FOXC1: variants seen among roughly 807,000 people sequenced by gnomAD.
The protein encoded by FOXC1 is forkhead box C1, also known as forkhead box protein C1.
In FOXC1, 5 loss-of-function variants were observed where a neutral mutation model predicts 8.1. The observed-to-expected ratio is 0.62, with a 90% confidence interval of 0.32 to 1.30. FOXC1 has a LOEUF of 1.30. FOXC1 is among the 50% of genes most tolerant of loss of function. The probability of loss-of-function intolerance (pLI) is 0.05; values close to 1 mark genes in which losing one functional copy is unlikely to be tolerated. For missense variants in FOXC1, 942 were observed against 858.0 expected (o/e 1.10, Z -1.22); for synonymous variants, 552 against 417.2 (o/e 1.32, Z -3.94).
Position 1,613,686 on chromosome 6 carries a change from G to GC in FOXC1, c.*1581dup, listed in dbSNP as rs1762595603. On this transcript the variant is annotated 3_prime_UTR_variant, in exon 1 of 1. Coordinates refer to ENST00000645831, the MANE Select transcript of FOXC1 (RefSeq NM_001453.3). ...TCATTATCTTAGGGTGATCTGCCCT[G>GC]CCAATCAGACTTTGGGGAGATGGCG... The GC allele has an allele frequency of 6.1e-6, 1 of 163,490 alleles. No individual in the cohort carries two copies. Among genetic ancestry groups the GC allele is most frequent in the African/African-American group, 2.6e-5 (1 of 38,748 alleles). 10.1% of individuals were successfully genotyped at this position (163,490 alleles called of 1,614,324 possible). A position where few individuals can be genotyped will look rare whatever the true frequency, so the allele number is the denominator to read the frequency against.
In FOXC1 at chr6:1,611,628, T is replaced by G; in HGVS notation, c.1183T>G (p.Cys395Gly). 7.8e-7 allele frequency: 1 copy of G among 1,287,646 alleles called. No individual in the cohort carries two copies. The highest frequency in any genetic ancestry group is 9.7e-7 in the Non-Finnish European group (1 of 1,027,506). The allele number at this position is 1,287,646 out of a possible 1,614,324, so 79.8% of individuals were successfully genotyped here. A position where few individuals can be genotyped will look rare whatever the true frequency, so the allele number is the denominator to read the frequency against. The change falls in exon 1 of 1, where the codon TGC becomes GGC. Residue 395 changes from cysteine (C) to glycine (G), a missense_variant. By Grantham distance (159) the Cys-to-Gly change is radical. Around this residue, in one of 4 missense-constraint regions of FOXC1, gnomAD observed 726 missense variants for 599.6 expected, o/e 1.21. Coordinates refer to ENST00000645831, the MANE Select transcript of FOXC1 (RefSeq NM_001453.3). This position sits in a 1 kb window ranked among gnomAD's most constrained non-coding sequence, Gnocchi z 7.1. ...GGAGGAGTYHCNLQAMSLYAA... is the reference protein window; with the variant it reads ...GGAGGAGTYHGNLQAMSLYAA... The stretch of plus-strand genomic sequence containing the variant: ...CGCGGGCGGCGCCGGGACCTACCAC[T>G]GCAACCTGCAAGCCATGAGCCTGTA...
In FOXC1 at chr6:1,611,342, C is replaced by T. The variant is rs1762541020; in HGVS notation, c.897C>T (p.Ala299=). The part of the protein sequence containing the change: ...DSAPPPPAPS[A]PPPHHSQGFS... ...CGCCGCCGCCGCCCGCGCCCTCCGC[C>T]CCGCCGCCGCACCATAGCCAGGGCT... is the stretch of plus-strand genomic sequence containing the variant. The change falls in exon 1 of 1, where the codon GCC becomes GCT. Residue 299 remains alanine, a synonymous_variant. Coordinates refer to ENST00000645831, the MANE Select transcript of FOXC1 (RefSeq NM_001453.3). The surrounding 1 kb of genome is among the most constrained non-coding windows in gnomAD (Gnocchi z 7.1). The T allele has an allele frequency of 6.3e-6, 9 of 1,422,322 alleles. No homozygotes were observed. The highest frequency in any genetic ancestry group is 8.3e-6 in the Non-Finnish European group (9 of 1,086,738). The allele number at this position is 1,422,322 out of a possible 1,614,324, so 88.1% of individuals were successfully genotyped here.
rs1232604219 is a variant in FOXC1 at position 1,610,503 on chromosome 6, G to A, written c.58G>A (p.Gly20Ser). The change falls in exon 1 of 1, where the codon GGC becomes AGC. Residue 20 changes from glycine to serine, a missense_variant. Coordinates refer to ENST00000645831, the MANE Select transcript of FOXC1 (RefSeq NM_001453.3). ...PNSLGVVPYL[G>S]GEQSYYRAAA... ...CTCCCTGGGAGTGGTGCCCTACCTCGGCGGCGAGCAGAGCTACTACCGCGC... is the reference window on the plus strand; with the variant it reads ...CTCCCTGGGAGTGGTGCCCTACCTCAGCGGCGAGCAGAGCTACTACCGCGC... The A allele has an allele frequency of 6.0e-6, 9 of 1,506,820 alleles. No homozygotes were observed. The highest frequency in any genetic ancestry group is 2.4e-4 in the Middle Eastern group (1 of 4,246). 93.3% of individuals were successfully genotyped at this position (1,506,820 alleles called of 1,614,324 possible).
In FOXC1 at chr6:1,610,260, G is replaced by C. The variant is rs1762510849; in HGVS notation, c.-186G>C. On this transcript the variant is annotated 5_prime_UTR_variant, in exon 1 of 1. Coordinates refer to ENST00000645831, the MANE Select transcript of FOXC1 (RefSeq NM_001453.3). ...GGCCGCGCGGGCCCCGAGGTAGCCC[G>C]AGGCGCCGGAGGAGCCAGCCCCAGC... The C allele has an allele frequency of 1.1e-5, 2 of 189,206 alleles. No homozygotes were observed. The highest frequency in any genetic ancestry group is 1.8e-4 in the South Asian group (1 of 5,626). The allele number at this position is 189,206 out of a possible 1,614,324, so 11.7% of individuals were successfully genotyped here.
At position 1,612,246 on chromosome 6, in the gene FOXC1, T is replaced by G; in HGVS notation, c.*139T>G. The G allele has an allele frequency of 2.3e-6, 3 of 1,319,628 alleles. No homozygotes were observed. Among genetic ancestry groups the G allele is most frequent in the Admixed American group, 2.4e-5 (1 of 41,096 alleles). 81.7% of individuals were successfully genotyped at this position (1,319,628 alleles called of 1,614,324 possible). A position where few individuals can be genotyped will look rare whatever the true frequency, so the allele number is the denominator to read the frequency against. On this transcript the variant is annotated 3_prime_UTR_variant, in exon 1 of 1. Transcript: ENST00000645831. Reference sequence around the variant, plus strand: ...ATATTCACCACACCAGCGAACAGAATATCCCTCCAAAAATTCAGCTCACCA... The same window carrying G: ...ATATTCACCACACCAGCGAACAGAAGATCCCTCCAAAAATTCAGCTCACCA...
rs139877144 is a variant in FOXC1 at position 1,612,020 on chromosome 6, G to T, written c.1575G>T (p.Gly525=). Residue 525 remains glycine (G), a synonymous_variant, in exon 1 of 1, where the codon GGG becomes GGT. Transcript: ENST00000645831. ...GCTTGAACAACTCTCCAGTGAACGG[G>T]AATAGTAGCTGTCAAATGGCCTTCC... ...RIGLNNSPVN[G]NSSCQMAFPS... The T allele has an allele frequency of 1.2e-5, 20 of 1,613,338 alleles. No individual in the cohort carries two copies. The highest frequency in any genetic ancestry group is 1.7e-5 in the Non-Finnish European group (20 of 1,180,000).
In FOXC1 at chr6:1,611,585, C is replaced by CG. The variant is rs1762549789; in HGVS notation, c.1141dup (p.Ala381GlyfsTer147). The CG allele has an allele frequency of 8.7e-6, 10 of 1,155,366 alleles. No homozygotes were observed. The East Asian group carries it at 1.7e-4, about 20-fold the overall frequency. The allele number at this position is 1,155,366 out of a possible 1,614,324, so 71.6% of individuals were successfully genotyped here. On this transcript the variant is annotated frameshift_variant, in exon 1 of 1. Coordinates refer to ENST00000645831, the MANE Select transcript of FOXC1 (RefSeq NM_001453.3). LOFTEE classifies it low-confidence loss of function (END_TRUNC). The surrounding 1 kb of genome is among the most constrained non-coding windows in gnomAD (Gnocchi z 7.1). ...GCAGCTCGGGCGGCGGCGGCGGCGG[C>CG]GCGGGGGCCGCGGGGGGCGCGGGCG...
rs182014366 is a variant in FOXC1 at position 1,613,305 on chromosome 6, A to G, written c.*1198A>G. On this transcript the variant is annotated 3_prime_UTR_variant, in exon 1 of 1. Coordinates refer to ENST00000645831, the MANE Select transcript of FOXC1 (RefSeq NM_001453.3). ...GATGCTGAATAGATATTTTCCTATT[A>G]TTTCAGTCCTTTATAAAAGGAAAAA... 20 of 230,548 alleles carry G rather than the reference A, an allele frequency of 8.7e-5. No homozygotes were observed. Among genetic ancestry groups the G allele is most frequent in the Middle Eastern group, 2.9e-3 (2 of 686 alleles). 14.3% of individuals were successfully genotyped at this position (230,548 alleles called of 1,614,324 possible).
Position 1,612,152 on chromosome 6 carries a change from G to C in FOXC1, c.*45G>C. On this transcript the variant is annotated 3_prime_UTR_variant, in exon 1 of 1. Coordinates refer to ENST00000645831, the MANE Select transcript of FOXC1 (RefSeq NM_001453.3). ...TAAATCGAACCCCAAAGCAGGAAAAGCTAAAGGAACCCATCAAGGCAAAAT... is the reference window on the plus strand; with the variant it reads ...TAAATCGAACCCCAAAGCAGGAAAACCTAAAGGAACCCATCAAGGCAAAAT... 2 of 1,612,592 alleles carry C rather than the reference G, an allele frequency of 1.2e-6. No homozygotes were observed. Among genetic ancestry groups the C allele is most frequent in the Non-Finnish European group, 1.7e-6 (2 of 1,179,816 alleles).
Position 1,611,666 on chromosome 6 carries a change from G to T in FOXC1, c.1221G>T (p.Glu407Asp). Residue 407 changes from glutamate to aspartate, a missense_variant, in exon 1 of 1, where the codon GAG (glutamate) becomes GAT (aspartate). Physicochemically the swap from Glu to Asp is conservative, Grantham distance 45. This residue lies in a region of FOXC1 where 726 missense variants were observed against 599.6 expected (regional missense o/e 1.21). Transcript: ENST00000645831. This position sits in a 1 kb window ranked among gnomAD's most constrained non-coding sequence, Gnocchi z 7.1. ...LQAMSLYAAG[E>D]RGGHLQGAPG... ...CCATGAGCCTGTACGCGGCCGGCGA[G>T]CGCGGGGGCCACTTGCAGGGCGCGC... is the stretch of plus-strand genomic sequence containing the variant. 7.2e-7 allele frequency: 1 copy of T among 1,391,812 alleles called. No homozygotes were observed. Among genetic ancestry groups the T allele is most frequent in the Non-Finnish European group, 9.3e-7 (1 of 1,080,914 alleles). 86.2% of individuals were successfully genotyped at this position (1,391,812 alleles called of 1,614,324 possible). A position where few individuals can be genotyped will look rare whatever the true frequency, so the allele number is the denominator to read the frequency against.
Position 1,612,323 on chromosome 6 carries a change from C to G in FOXC1, c.*216C>G. 1.4e-6 allele frequency: 1 copy of G among 700,970 alleles called. No homozygotes were observed. The highest frequency in any genetic ancestry group is 2.4e-6 in the Non-Finnish European group (1 of 415,380). The allele number at this position is 700,970 out of a possible 1,614,324, so 43.4% of individuals were successfully genotyped here. Reference sequence around the variant, plus strand: ...TCTTAACCGATTAATTCAGAGCCACCTCCACTTTGCCTTGTCTAAATAAAC... The same window carrying G: ...TCTTAACCGATTAATTCAGAGCCACGTCCACTTTGCCTTGTCTAAATAAAC... On this transcript the variant is annotated 3_prime_UTR_variant, in exon 1 of 1. Coordinates refer to ENST00000645831, the MANE Select transcript of FOXC1 (RefSeq NM_001453.3).
chr6:1,612,906 A>T lies in FOXC1; in HGVS notation c.*799A>T, dbSNP rs1386449675. Reference sequence around the variant, plus strand: ...AGAGATAAAACACTAGAAGTTACCTATTCTCCACCTAAATCTCTGAAAAAT... The same window carrying T: ...AGAGATAAAACACTAGAAGTTACCTTTTCTCCACCTAAATCTCTGAAAAAT... On this transcript the variant is annotated 3_prime_UTR_variant, in exon 1 of 1. Transcript: ENST00000645831. The T allele has an allele frequency of 1.4e-5, 3 of 219,150 alleles. No individual in the cohort carries two copies. 13.6% of individuals were successfully genotyped at this position (219,150 alleles called of 1,614,324 possible). A position where few individuals can be genotyped will look rare whatever the true frequency, so the allele number is the denominator to read the frequency against.
rs1762502222 is a variant in FOXC1, at chr6:1,610,018, C to CA, written c.-428_-427insA. On this transcript the variant is annotated 5_prime_UTR_variant, in exon 1 of 1. Coordinates refer to ENST00000645831, the MANE Select transcript of FOXC1 (RefSeq NM_001453.3). Reference sequence around the variant, plus strand: ...CCGGGCAGGCGGCCGGCGCGCGGCCCCCCCCCCCCCCGCCCTGGTTATTTG... The same window carrying CA: ...CCGGGCAGGCGGCCGGCGCGCGGCCCACCCCCCCCCCCGCCCTGGTTATTTG... The CA allele has an allele frequency of 1.0e-5, 1 of 97,230 alleles. No homozygotes were observed. Among genetic ancestry groups the CA allele is most frequent in the Admixed American group, 8.8e-5 (1 of 11,330 alleles). The allele number at this position is 97,230 out of a possible 1,614,324, so 6.0% of individuals were successfully genotyped here.
chr6:1,611,337 T>G lies in FOXC1; in HGVS notation c.892T>G (p.Ser298Ala), dbSNP rs1762540906. Residue 298 changes from serine to alanine, a missense_variant, in exon 1 of 1, where the codon TCC (serine) becomes GCC (alanine). This residue lies in a region of FOXC1 where 726 missense variants were observed against 599.6 expected (regional missense o/e 1.21). Transcript: ENST00000645831. This position sits in a 1 kb window ranked among gnomAD's most constrained non-coding sequence, Gnocchi z 7.1. The part of the protein sequence containing the change: ...ADSAPPPPAP[S>A]APPPHHSQGF... ...TTCCGCGCCGCCGCCGCCCGCGCCC[T>G]CCGCCCCGCCGCCGCACCATAGCCA... 1 of 1,417,458 alleles carries G rather than the reference T, an allele frequency of 7.1e-7. No homozygotes were observed. Among genetic ancestry groups the G allele is most frequent in the Non-Finnish European group, 9.2e-7 (1 of 1,084,370 alleles). The allele number at this position is 1,417,458 out of a possible 1,614,324, so 87.8% of individuals were successfully genotyped here. A position where few individuals can be genotyped will look rare whatever the true frequency, so the allele number is the denominator to read the frequency against.
Position 1,611,905 on chromosome 6 carries a change from G to GCGCGGCGGC in FOXC1, c.1461_1469dup (p.Ala493_Ala495dup). 6.5e-7 allele frequency: 1 copy of GCGCGGCGGC among 1,544,796 alleles called. No homozygotes were observed. The highest frequency in any genetic ancestry group is 1.4e-5 in the African/African-American group (1 of 71,590). ...GGCGGAGACCTGGGCCACTTGGCGA[G>GCGCGGCGGC]CGCGGCGGCGGCGGCGGCGGCCGCA... On this transcript the variant is annotated inframe_insertion, in exon 1 of 1. Coordinates refer to ENST00000645831, the MANE Select transcript of FOXC1 (RefSeq NM_001453.3). The surrounding 1 kb of genome is among the most constrained non-coding windows in gnomAD (Gnocchi z 7.1).
In FOXC1 at chr6:1,611,091, C is replaced by A. The variant is rs1419864390; in HGVS notation, c.646C>A (p.Pro216Thr). ...GCAGGCCGACGGCAACGCGCCCGGT[C>A]CGCAGCCGCCGCCCGTGCGCATCCA... Reference protein sequence around the residue: ...PEQADGNAPGPQPPPVRIQDI... With the variant: ...PEQADGNAPGTQPPPVRIQDI... Residue 216 changes from proline to threonine, a missense_variant, in exon 1 of 1, where the codon CCG becomes ACG. Around this residue, in one of 4 missense-constraint regions of FOXC1, gnomAD observed 726 missense variants for 599.6 expected, o/e 1.21. Transcript: ENST00000645831. This position sits in a 1 kb window ranked among gnomAD's most constrained non-coding sequence, Gnocchi z 7.1. 3 of 1,366,914 alleles carry A rather than the reference C, an allele frequency of 2.2e-6. No homozygotes were observed. The highest frequency in any genetic ancestry group is 2.9e-6 in the Non-Finnish European group (3 of 1,050,784). The allele number at this position is 1,366,914 out of a possible 1,614,324, so 84.7% of individuals were successfully genotyped here.
At position 1,613,305 on chromosome 6, in the gene FOXC1, A is replaced by C. The variant is rs182014366; in HGVS notation, c.*1198A>C. On this transcript the variant is annotated 3_prime_UTR_variant, in exon 1 of 1. Coordinates refer to ENST00000645831, the MANE Select transcript of FOXC1 (RefSeq NM_001453.3). ...GATGCTGAATAGATATTTTCCTATT[A>C]TTTCAGTCCTTTATAAAAGGAAAAA... is the stretch of plus-strand genomic sequence containing the variant. The C allele has an allele frequency of 4.3e-6, 1 of 230,430 alleles. No homozygotes were observed. Among genetic ancestry groups the C allele is most frequent in the African/African-American group, 2.3e-5 (1 of 44,306 alleles). The allele number at this position is 230,430 out of a possible 1,614,324, so 14.3% of individuals were successfully genotyped here.
Position 1,610,518 on chromosome 6 carries a change from T to C in FOXC1, c.73T>C (p.Tyr25His), listed in dbSNP as rs1762515900. 7.9e-6 allele frequency: 12 copies of C among 1,527,654 alleles called. No individual in the cohort carries two copies. The highest frequency in any genetic ancestry group is 1.1e-5 in the Non-Finnish European group (12 of 1,138,272). The allele number at this position is 1,527,654 out of a possible 1,614,324, so 94.6% of individuals were successfully genotyped here. The change falls in exon 1 of 1, where the codon TAC (tyrosine) becomes CAC (histidine). Residue 25 changes from tyrosine to histidine, a missense_variant. Physicochemically the swap from Tyr to His is moderately conservative, Grantham distance 83. This residue lies in a region of FOXC1 where 190 missense variants were observed against 176.8 expected (regional missense o/e 1.07). Transcript: ENST00000645831. ...GCCCTACCTCGGCGGCGAGCAGAGC[T>C]ACTACCGCGCGGCGGCCGCGGCGGC... Reference protein sequence around the residue: ...VVPYLGGEQSYYRAAAAAAGG... With the variant: ...VVPYLGGEQSHYRAAAAAAGG...
chr6:1,612,033 C>T lies in FOXC1; in HGVS notation c.1588C>T (p.Gln530Ter). The T allele has an allele frequency of 6.2e-7, 1 of 1,613,702 alleles. No homozygotes were observed. The highest frequency in any genetic ancestry group is 8.5e-7 in the Non-Finnish European group (1 of 1,180,014). Reference protein sequence around the residue: ...NSPVNGNSSCQMAFPSSQSLY... With the variant: ...NSPVNGNSSC Reference sequence around the variant, plus strand: ...TCCAGTGAACGGGAATAGTAGCTGTCAAATGGCCTTCCCTTCCAGCCAGTC... The same window carrying T: ...TCCAGTGAACGGGAATAGTAGCTGTTAAATGGCCTTCCCTTCCAGCCAGTC... The change falls in exon 1 of 1, where the codon CAA (glutamine) becomes TAA (stop). Residue 530 changes from glutamine (Q) to a stop codon, truncating the protein, a stop_gained. Transcript: ENST00000645831. LOFTEE classifies it high-confidence loss of function.
Sources: gnomAD v4.1 joint callset for allele counts on GRCh38, gnomAD v4.1.1 for gene constraint, gnomAD v4.1.1 regional missense constraint, Gnocchi (gnomAD v3.1) non-coding constraint, MANE v1.5 for transcripts, NCBI Gene and HGNC (gene_info 2026-07-23, HGNC 2026-07-21) for gene names.